Variants in DCLK1 observed in about 807,000 individuals in gnomAD.
DCLK1 encodes the protein serine/threonine-protein kinase DCLK1.
A neutral mutation model predicts 86.2 loss-of-function variants in DCLK1; 16 were observed. The observed-to-expected ratio is 0.19, with a 90% CI of 0.13 to 0.28. The LOEUF is 0.28. Ranked by LOEUF, DCLK1 falls within the 10% of genes least tolerant of loss-of-function variation. The pLI is 1.00. For synonymous variants in DCLK1, 369 were observed against 370.5 expected (o/e 1.00, Z 0.05); for missense variants, 590 against 940.2 (o/e 0.63, Z 4.87).
intron 15 of DCLK1, among the ~76,000 whole-genome samples, chr13:35,796,043 C>A (rs997313415): frequency 6.6e-6 from 1 of 151,546 alleles, no homozygotes; most frequent in East Asian, 1.9e-4. Context: ...GAATTTTTGA[C>A]AGTTTTTCCA....
In DCLK1 at chr13:35,983,984, T is replaced by C. The variant is rs762922783; in HGVS notation, c.724-36527A>G. On this transcript the variant is annotated intron_variant, in intron 3 of 16. Transcript: ENST00000360631. ...TTGACCTCCTTGACTATGGGGAAAC[T>C]GCTCAACCACTTTGAGCCTCCAGGC... Among the ~76,000 whole-genome samples the C allele has an allele frequency of 7.9e-5, 12 of 152,282 alleles. No individual in the cohort carries two copies. In the South Asian group the frequency reaches 2.5e-3, roughly 32 times the overall value.
At chr13:36,112,280 T>A (rs1469592582) in intron 2 of DCLK1, 65 bp from the exon 3 acceptor site, 1 of 1,290,388 alleles carries the variant, frequency 7.7e-7, no homozygotes, top group Non-Finnish European at 1.0e-6. Context: ...TTCCTACTTA[T>A]CCTCTCTTTT....
chr13:36,041,107 A>T (rs1253791813), intron 3 of DCLK1, among the ~76,000 whole-genome samples: 2 of 152,118 alleles, frequency 1.3e-5, no homozygotes, highest in East Asian at 3.9e-4. Flanking sequence ...ATATGTGTTC[A>T]TTGCTACTAG....
At position 36,006,750 on chromosome 13, in the gene DCLK1, T is replaced by C. The variant is rs571550843; in HGVS notation, c.724-59293A>G. On this transcript the variant is annotated intron_variant, in intron 3 of 16. Coordinates refer to ENST00000360631, the MANE Select transcript of DCLK1 (RefSeq NM_001330071.2). Reference sequence around the variant, plus strand: ...AGAAGCAACTGTGGAGGACAGAGTATGAAGTTTGGATCTAGAGGACTCAGG... The same window carrying C: ...AGAAGCAACTGTGGAGGACAGAGTACGAAGTTTGGATCTAGAGGACTCAGG... 7.2e-5 allele frequency among the ~76,000 whole-genome samples: 11 copies of C among 152,302 alleles called. No homozygotes were observed. The South Asian group carries it at 2.3e-3, about 32-fold the overall frequency.
chr13:35,834,173 C>G (rs1869180383), intron 8 of DCLK1, among the ~76,000 whole-genome samples: 1 of 152,062 alleles, frequency 6.6e-6, no homozygotes, highest in African/African-American at 2.4e-5. Context: ...TTTTCTGCTA[C>G]AGTAGAAATA....
chr13:35,900,227 G>T (rs954311480), intron 4 of DCLK1, among the ~76,000 whole-genome samples: 1 of 146,362 alleles, frequency 6.8e-6, no homozygotes, highest in Non-Finnish European at 1.5e-5. Flanking sequence ...AGAGGTTTAG[G>T]TTCAACTAAA....
rs539962023 is a variant in DCLK1, at chr13:36,129,072, T to C, written c.-20+2042A>G. On this transcript the variant is annotated intron_variant, in intron 1 of 16. Coordinates refer to ENST00000360631, the MANE Select transcript of DCLK1 (RefSeq NM_001330071.2). ...GTTTGTGTTTTATTCTTAAAGGCAG[T>C]GATCATTCTCCCAACACTAGGAGTT... 2.0e-5 allele frequency among the ~76,000 whole-genome samples: 3 copies of C among 152,338 alleles called. No individual in the cohort carries two copies. In the South Asian group the frequency reaches 6.2e-4, roughly 32 times the overall value.
chr13:36,013,301 G>A (rs1003065878), intron 3 of DCLK1, among the ~76,000 whole-genome samples: 19 of 151,194 alleles, frequency 1.3e-4, no homozygotes, highest in African/African-American at 4.1e-4. Flanking sequence ...GAGGAGAGGC[G>A]CTCTGCGTTT....
intron 10 of DCLK1, 21 bp downstream of exon 10, chr13:35,827,614 C>G: frequency 6.2e-7 from 1 of 1,613,318 alleles, no homozygotes; most frequent in Non-Finnish European, 8.5e-7. Flanking sequence ...TAAAGACTTA[C>G]TTTCTTTCCA....
intron 5 of DCLK1, among the ~76,000 whole-genome samples, 160 bp downstream of exon 5, chr13:35,871,064 T>C (rs1428234600): frequency 6.6e-6 from 1 of 152,232 alleles, no homozygotes; most frequent in Non-Finnish European, 1.5e-5. Context: ...GCCAATATGC[T>C]AGACTCCAGC....
chr13:35,833,293 A>G (rs113116922), intron 8 of DCLK1, among the ~76,000 whole-genome samples: 7 of 152,148 alleles, frequency 4.6e-5, no homozygotes, highest in Non-Finnish European at 1.0e-4. Flanking sequence ...TCGTGTAGTT[A>G]TTAGTCCACA....
intron 3 of DCLK1, among the ~76,000 whole-genome samples, chr13:36,073,542 T>G (rs144703980): frequency 2.5e-3 from 384 of 152,258 alleles, no homozygotes; most frequent in Non-Finnish European, 4.3e-3. Context: ...TATCTGAAGA[T>G]ATCTGACAGA....
At chr13:36,061,351 A>T (rs1883541375) in intron 3 of DCLK1, among the ~76,000 whole-genome samples, 1 of 152,180 alleles carries the variant, frequency 6.6e-6, no homozygotes, top group East Asian at 1.9e-4. Context: ...TTTTTATGAT[A>T]AGTAAAAATA....
intron 3 of DCLK1, among the ~76,000 whole-genome samples, chr13:36,106,825 G>T (rs1885413256): frequency 1.3e-5 from 2 of 152,074 alleles, no homozygotes; most frequent in South Asian, 4.1e-4. Flanking sequence ...TATAGCCAAG[G>T]TCAGATGCAA....
At chr13:35,779,359 T>C (rs534594761) in intron 16 of DCLK1, among the ~76,000 whole-genome samples, 2 of 152,340 alleles carry the variant, frequency 1.3e-5, no homozygotes, top group Admixed American at 6.5e-5. Context: ...CAAGAATTGT[T>C]TTGACCAAAC....
intron 11 of DCLK1, among the ~76,000 whole-genome samples, chr13:35,818,241 T>A (rs1480728789): frequency 6.6e-6 from 1 of 152,186 alleles, no homozygotes; most frequent in East Asian, 1.9e-4. Context: ...AGCTATCCTA[T>A]CACCAAATGG....
intron 3 of DCLK1, among the ~76,000 whole-genome samples, chr13:36,065,563 G>T (rs930028846): frequency 1.3e-5 from 2 of 152,098 alleles, no homozygotes; most frequent in African/African-American, 2.4e-5. Flanking sequence ...TCTGACAAAA[G>T]AATTACTTTG....
chr13:36,011,868 C>G (rs1016985298), intron 3 of DCLK1, among the ~76,000 whole-genome samples: 2 of 149,842 alleles, frequency 1.3e-5, no homozygotes, highest in African/African-American at 5.0e-5. Context: ...GTCTAAGTCT[C>G]TTTGTAGGTC....
At chr13:36,086,447 A>G (rs1345815905) in intron 3 of DCLK1, among the ~76,000 whole-genome samples, 1 of 137,484 alleles carries the variant, frequency 7.3e-6, no homozygotes, top group South Asian at 2.5e-4. Flanking sequence ...ATGTTTCCTC[A>G]ACAGCTTTTT....
Sources: gnomAD v4.1 joint callset for allele counts (sites outside exome capture counted in the v4.1 genomes callset) on GRCh38, gnomAD v4.1.1 for gene constraint, MANE v1.5 for transcripts, NCBI Gene and HGNC (gene_info 2026-07-23, HGNC 2026-07-21) for gene names.